The following ANKS1B variants were observed in gnomAD, a reference collection of about 807,000 sequenced individuals.
ANKS1B encodes ankyrin repeat and sterile alpha motif domain-containing protein 1B.
Under a neutral mutation model 148.3 loss-of-function variants are expected in ANKS1B, and 36 were observed. That is an observed-to-expected ratio of 0.24 (90% CI 0.19 to 0.32). The LOEUF is 0.32. Among genes scored for constraint, ANKS1B ranks in the 10% least tolerant of loss-of-function variants. The pLI is 1.00. For synonymous variants in ANKS1B, 542 were observed against 560.8 expected, an observed-to-expected ratio of 0.97 and a Z score of 0.47; for missense variants, 1,157 against 1,542.6, an observed-to-expected ratio of 0.75 and a Z score of 4.19.
At chr12:99,946,650 C>T (rs529923660) in intron 1 of ANKS1B, among the ~76,000 whole-genome samples, 1 of 152,270 alleles carries the variant, frequency 6.6e-6, no homozygotes, top group African/African-American at 2.4e-5. Flanking sequence ...TGTTTTCTCC[C>T]ACTCTTTGGT....
At chr12:99,371,906 A>G (rs2093156261) in intron 12 of ANKS1B, among the ~76,000 whole-genome samples, 1 of 152,206 alleles carries the variant, frequency 6.6e-6, no homozygotes, top group African/African-American at 2.4e-5. Context: ...ATTCCATAGT[A>G]CTGAAGACAT....
intron 9 of ANKS1B, among the ~76,000 whole-genome samples, chr12:99,524,998 A>G (rs2096912592): frequency 1.3e-5 from 2 of 152,190 alleles, no homozygotes; most frequent in Admixed American, 1.3e-4. Context: ...AAAAGGCAGG[A>G]AAACAGATTC....
intron 1 of ANKS1B, among the ~76,000 whole-genome samples, chr12:99,838,646 T>C (rs1189530513): frequency 6.6e-6 from 1 of 152,168 alleles, no homozygotes; most frequent in African/African-American, 2.4e-5. Context: ...TCATTCTATC[T>C]TTCTTTAAAT....
chr12:99,714,704 G>A (rs1360106327), intron 8 of ANKS1B, among the ~76,000 whole-genome samples: 1 of 152,026 alleles, frequency 6.6e-6, no homozygotes, highest in African/African-American at 2.4e-5. Context: ...GCCCTGTCTT[G>A]TTCTTTCTCC....
At chr12:99,260,929 T>A (rs2075862050) in intron 12 of ANKS1B, among the ~76,000 whole-genome samples, 1 of 152,178 alleles carries the variant, frequency 6.6e-6, no homozygotes, top group South Asian at 2.1e-4. Context: ...AAATGACATA[T>A]TCATTTAGCA....
At chr12:99,383,754 T>C (rs978416611) in intron 12 of ANKS1B, among the ~76,000 whole-genome samples, 2 of 150,420 alleles carry the variant, frequency 1.3e-5, no homozygotes, top group Non-Finnish European at 2.9e-5. Flanking sequence ...TGCGCATGCC[T>C]GTAATGCCAG....
At chr12:99,065,971 C>T (rs1047872835) in intron 16 of ANKS1B, among the ~76,000 whole-genome samples, 1 of 151,736 alleles carries the variant, frequency 6.6e-6, no homozygotes, top group African/African-American at 2.4e-5. Flanking sequence ...TATTAAATAG[C>T]GTGGTTAGGG....
At chr12:99,137,419 G>C (rs1222074025) in intron 15 of ANKS1B, among the ~76,000 whole-genome samples, 6 of 152,140 alleles carry the variant, frequency 3.9e-5, no homozygotes, top group Admixed American at 3.9e-4. Context: ...GTAAGAGAGA[G>C]GAGAACTGCA....
intron 14 of ANKS1B, among the ~76,000 whole-genome samples, chr12:99,155,449 C>T (rs79553372): frequency 0.017 from 2,640 of 152,172 alleles, 78 homozygotes; most frequent in African/African-American, 0.059. Flanking sequence ...TTATTAGGCA[C>T]AAGAAATCCT....
chr12:99,052,734 CA>C lies in ANKS1B; in HGVS notation c.2778+422del, dbSNP rs56965572. On this transcript the variant is annotated intron_variant, in intron 17 of 26. Coordinates refer to ENST00000683438, the MANE Select transcript of ANKS1B (RefSeq NM_001352186.2). ...TGGGCGACAGAGCGAGACTCCGTCT[CA>C]AAAAAAAAAAAAAAAAAAAAAAAGA... is the stretch of plus-strand genomic sequence containing the variant. 9.8e-3 allele frequency among the ~76,000 whole-genome samples: 254 copies of C among 25,972 alleles called. 1 individual carries two copies. Among genetic ancestry groups the C allele is most frequent in the African/African-American group, 0.04 (209 of 5,248 alleles). The allele number at this position is 25,972 out of a possible 152,430, so 17.0% of individuals were successfully genotyped here. A position where few individuals can be genotyped will look rare whatever the true frequency, so the allele number is the denominator to read the frequency against.
intron 8 of ANKS1B, among the ~76,000 whole-genome samples, chr12:99,664,187 A>ATAACTTTGGGAATGTATATTTCCC (rs2098493738): frequency 6.6e-6 from 1 of 152,076 alleles, no homozygotes; most frequent in Non-Finnish European, 1.5e-5. Context: ...TACAGAAGGC[A>ATAACTTTGGGAATGTATATTTCCC]AAATGTATAA....
At chr12:99,298,029 T>C (rs571185652) in intron 12 of ANKS1B, among the ~76,000 whole-genome samples, 1 of 152,262 alleles carries the variant, frequency 6.6e-6, no homozygotes, top group South Asian at 2.1e-4. Context: ...AGAAACAATT[T>C]GAATGAAGAC....
chr12:99,728,905 T>A (rs1295817437), intron 8 of ANKS1B, among the ~76,000 whole-genome samples: 1 of 152,180 alleles, frequency 6.6e-6, no homozygotes, highest in East Asian at 1.9e-4. Flanking sequence ...AAACACCGCA[T>A]GTTTTCACTC....
intron 12 of ANKS1B, among the ~76,000 whole-genome samples, chr12:99,345,871 C>A (rs187780429): frequency 2.3e-4 from 35 of 152,114 alleles, no homozygotes; most frequent in Admixed American, 2.2e-3. Context: ...TGTAAAATTT[C>A]TCTTTGTGCA....
chr12:98,884,537 C>T (rs1205073596), intron 17 of ANKS1B, among the ~76,000 whole-genome samples: 1 of 152,124 alleles, frequency 6.6e-6, no homozygotes, highest in African/African-American at 2.4e-5. Context: ...CGGTGGCTCA[C>T]GCCTGTAATC....
intron 17 of ANKS1B, among the ~76,000 whole-genome samples, chr12:98,905,613 T>A (rs1015384180): frequency 1.3e-5 from 2 of 151,866 alleles, no homozygotes; most frequent in Non-Finnish European, 2.9e-5. Flanking sequence ...CTACAAAAAA[T>A]TTTTAAAAAT....
At chr12:99,566,756 C>T (rs1431458031) in intron 9 of ANKS1B, among the ~76,000 whole-genome samples, 1 of 152,152 alleles carries the variant, frequency 6.6e-6, no homozygotes, top group African/African-American at 2.4e-5. Flanking sequence ...GCACCATGCT[C>T]TTGGACTTCC....
intron 15 of ANKS1B, among the ~76,000 whole-genome samples, chr12:99,130,670 C>A (rs1371181476): frequency 6.6e-6 from 1 of 152,124 alleles, no homozygotes; most frequent in African/African-American, 2.4e-5. Context: ...GCTTACTCCC[C>A]ACATTTTGAA....
intron 24 of ANKS1B, among the ~76,000 whole-genome samples, chr12:98,774,502 A>G (rs2098646943): frequency 6.6e-6 from 1 of 152,248 alleles, no homozygotes; most frequent in Non-Finnish European, 1.5e-5. Flanking sequence ...AGATGTGTTT[A>G]AAAAGAAAAA....
Sources: allele counts gnomAD v4.1 joint callset (sites outside exome capture counted in the v4.1 genomes callset), GRCh38; gene constraint gnomAD v4.1.1; transcripts MANE v1.5; gene names NCBI Gene and HGNC (gene_info 2026-07-23, HGNC 2026-07-21).